C1orf141: variants seen among roughly 807,000 people sequenced by gnomAD.
C1orf141 encodes the protein chromosome 1 open reading frame 141.
A neutral mutation model predicts 23.2 loss-of-function variants in C1orf141; 19 were observed. That is an observed-to-expected ratio of 0.82 (90% CI 0.57 to 1.20). The LOEUF (loss-of-function observed/expected upper bound fraction) is 1.20, where lower values mean the gene tolerates loss of function less well. Ranked by LOEUF, C1orf141 falls within the 50% of genes most tolerant of loss-of-function variation. C1orf141 has a pLI of 0.00. For synonymous variants in C1orf141, 153 were observed against 154.6 expected, an observed-to-expected ratio of 0.99 and a Z score of 0.08; for missense variants, 469 against 455.1, an observed-to-expected ratio of 1.03 and a Z score of -0.28.
rs1645784570 is a variant in C1orf141, at chr1:67,100,983, T to TG, written c.347-4663_347-4662insC. ...GTGGTGGTGGCGGTGAGTACTCTGT[T>TG]TATGTGTGAGGTGTCACTTGGGTTT... is the stretch of plus-strand genomic sequence containing the variant. On this transcript the variant is annotated intron_variant, in intron 5 of 7. Coordinates refer to ENST00000684719, the MANE Select transcript of C1orf141 (RefSeq NM_001276351.2). Among the ~76,000 whole-genome samples, 4 of 146,666 alleles carry TG rather than the reference T, an allele frequency of 2.7e-5. No individual in the cohort carries two copies. In the South Asian group the frequency reaches 9.2e-4, roughly 34 times the overall value.
rs1645590975 is a variant in C1orf141 at position 67,093,223 on chromosome 1, C to T, written c.985G>A (p.Val329Met). The T allele has an allele frequency of 6.2e-7, 1 of 1,613,908 alleles. No homozygotes were observed. The highest frequency in any genetic ancestry group is 1.3e-5 in the African/African-American group (1 of 75,028). The change falls in exon 8 of 8, where the codon GTG becomes ATG. Residue 329 changes from valine to methionine, a missense_variant. Physicochemically the swap from Val to Met is conservative, Grantham distance 21. Coordinates refer to ENST00000684719, the MANE Select transcript of C1orf141 (RefSeq NM_001276351.2). ...QNFSSLTKQF[V>M]GYLDKAVIHE... ...ATAACAGCTTTATCAAGGTAACCCA[C>T]AAATTGTTTTGTTAGGCTAGAAAAA...
chr1:67,093,162 C>CT lies in C1orf141; in HGVS notation c.1045dup (p.Arg349LysfsTer27). 1 of 1,613,930 alleles carries CT rather than the reference C, an allele frequency of 6.2e-7. No individual in the cohort carries two copies. Among genetic ancestry groups the CT allele is most frequent in the Non-Finnish European group, 8.5e-7 (1 of 1,179,870 alleles). On this transcript the variant is annotated frameshift_variant, in exon 8 of 8. Transcript: ENST00000684719. LOFTEE classifies it low-confidence loss of function (END_TRUNC). ...CGTTGGTTTTCCTGCAGAAAACATT[C>CT]TTTCAAATTTTCCAGTTTGGGCACT...
intron 5 of C1orf141, among the ~76,000 whole-genome samples, chr1:67,100,986 T>C (rs926295266): frequency 7.1e-6 from 1 of 140,762 alleles, no homozygotes; most frequent in Admixed American, 7.6e-5. Context: ...ACTCTGTTTA[T>C]GTGTGAGGTG....
chr1:67,101,383 A>C (rs1344832280), intron 5 of C1orf141, among the ~76,000 whole-genome samples: 2 of 151,616 alleles, frequency 1.3e-5, no homozygotes, highest in African/African-American at 4.8e-5. Context: ...CCCAAGGGGG[A>C]CAATTTTGCA....
At chr1:67,114,965 C>CG (rs1365430299) in intron 5 of C1orf141, among the ~76,000 whole-genome samples, 1 of 152,220 alleles carries the variant, frequency 6.6e-6, no homozygotes, top group African/African-American at 2.4e-5. Context: ...CGTAAGCCAG[C>CG]GTGCCCACCC....
chr1:67,125,992 AT>A (rs1210306365), intron 3 of C1orf141, 83 bp from the exon 4 acceptor site: 1 of 1,379,114 alleles, frequency 7.3e-7, no homozygotes, highest in Non-Finnish European at 9.6e-7. Context: ...AAGAAAAAAA[AT>A]CTCACTTTAC....
chr1:67,110,913 TTA>T (rs1028801985), intron 5 of C1orf141, among the ~76,000 whole-genome samples: 2 of 148,552 alleles, frequency 1.3e-5, no homozygotes, highest in East Asian at 1.9e-4. Flanking sequence ...CCATATTTCT[TTA>T]TATATATATT....
At chr1:67,127,659 G>A (rs1347900383) in intron 2 of C1orf141, among the ~76,000 whole-genome samples, 7 of 152,108 alleles carry the variant, frequency 4.6e-5, no homozygotes, top group Non-Finnish European at 8.8e-5. Flanking sequence ...TGTTGAGACA[G>A]AGTCTTACTC....
At chr1:67,111,447 C>A in intron 5 of C1orf141, 1 of 445,292 alleles carries the variant, frequency 2.2e-6, no homozygotes, top group Non-Finnish European at 4.0e-6. Context: ...GAGATGAAAT[C>A]ACTTTAACAT....
At chr1:67,137,398 T>A (rs1331388442), upstream of C1orf141, among the ~76,000 whole-genome samples, 3 of 152,198 alleles carry the variant, frequency 2.0e-5, no homozygotes, top group Admixed American at 6.5e-5. Context: ...CATTGTTGAA[T>A]GACAATGCAC....
At chr1:67,103,893 C>A (rs1645863318) in intron 5 of C1orf141, among the ~76,000 whole-genome samples, 1 of 151,986 alleles carries the variant, frequency 6.6e-6, no homozygotes, top group Admixed American at 6.6e-5. Flanking sequence ...TTAAAATGTA[C>A]ATATCTAGGC....
intron 5 of C1orf141, among the ~76,000 whole-genome samples, chr1:67,096,878 T>G (rs1645692857): frequency 6.6e-6 from 1 of 152,224 alleles, no homozygotes; most frequent in Admixed American, 6.5e-5. Flanking sequence ...GCAAGCATAC[T>G]AATTAATATT....
chr1:67,116,054 T>C (rs1301059020), intron 4 of C1orf141, among the ~76,000 whole-genome samples: 1 of 152,224 alleles, frequency 6.6e-6, no homozygotes, highest in Non-Finnish European at 1.5e-5. Context: ...CTGTTGTCTA[T>C]AGGCCAATGT....
At chr1:67,134,869 C>G (rs1425751233) in intron 1 of C1orf141, 61 bp downstream of exon 1, 1 of 152,362 alleles carries the variant, frequency 6.6e-6, no homozygotes, top group East Asian at 1.9e-4. Context: ...TATTTCGCCT[C>G]CCACCCTCAT....
chr1:67,114,447 TAAC>T (rs1376050563), intron 5 of C1orf141, among the ~76,000 whole-genome samples: 1 of 152,066 alleles, frequency 6.6e-6, no homozygotes, highest in Non-Finnish European at 1.5e-5. Flanking sequence ...AGAAATAAAA[TAAC>T]AATGTGTATA....
intron 5 of C1orf141, among the ~76,000 whole-genome samples, chr1:67,098,528 T>A (rs1045557651): frequency 2.0e-5 from 3 of 151,656 alleles, no homozygotes; most frequent in African/African-American, 4.8e-5. Context: ...TCAAAAAAAA[T>A]ATTATAATAA....
Position 67,125,401 on chromosome 1 carries a change from T to C in C1orf141, c.233+351A>G, listed in dbSNP as rs572481400. Among the ~76,000 whole-genome samples, 157 of 152,288 alleles carry C rather than the reference T, an allele frequency of 1.0e-3. 1 individual carries two copies. Among genetic ancestry groups the C allele is most frequent in the African/African-American group, 3.6e-3 (148 of 41,576 alleles). ...CTAAGACAGATATAAAGTAATGTTT[T>C]AAAACTCTGAACTGGACGAGGTGAG... On this transcript the variant is annotated intron_variant, in intron 4 of 7. Coordinates refer to ENST00000684719, the MANE Select transcript of C1orf141 (RefSeq NM_001276351.2).
At chr1:67,122,496 C>T (rs1048335906) in intron 4 of C1orf141, 2 of 152,162 alleles carry the variant, frequency 1.3e-5, no homozygotes, top group South Asian at 2.1e-4. Context: ...GAGAACTGTT[C>T]CACCTTTGTC....
At chr1:67,103,431 G>T (rs541075654) in intron 5 of C1orf141, 3 of 1,107,424 alleles carry the variant, frequency 2.7e-6, no homozygotes, top group Admixed American at 6.7e-5. Context: ...ATTTCTTTCC[G>T]TGTATATTAA....
Sources: allele counts gnomAD v4.1 joint callset (sites outside exome capture counted in the v4.1 genomes callset), GRCh38; gene constraint gnomAD v4.1.1; transcripts MANE v1.5; gene names NCBI Gene and HGNC (gene_info 2026-07-23, HGNC 2026-07-21).